PKD1L1: variants seen among roughly 807,000 people sequenced by gnomAD.
The protein encoded by PKD1L1 is polycystin-1-like protein 1.
In PKD1L1, 236 loss-of-function variants were observed where a neutral mutation model predicts 323.4. The ratio of observed to expected loss-of-function variants is 0.73; its 90% CI spans 0.66 to 0.81. PKD1L1 has a LOEUF of 0.81. Ranked by LOEUF, PKD1L1 falls within the 40% of genes least tolerant of loss-of-function variation. PKD1L1 has a pLI of 0.00. For synonymous variants in PKD1L1, 1,344 were observed against 1,335.0 expected, an observed-to-expected ratio of 1.01 and a Z score of -0.15; for missense variants, 3,320 against 3,508.0, an observed-to-expected ratio of 0.95 and a Z score of 1.35.
rs201484345 is a variant in PKD1L1 at position 47,831,395 on chromosome 7, C to T, written c.6338-43G>A. On this transcript the variant is annotated intron_variant, in intron 41 of 56. Coordinates refer to ENST00000289672, the MANE Select transcript of PKD1L1 (RefSeq NM_138295.5). Reference sequence around the variant, plus strand: ...AGAGACAAGGCAGCTTAAGAGACCTCGGCATCTCCATCCACGCGGAGTGTG... The same window carrying T: ...AGAGACAAGGCAGCTTAAGAGACCTTGGCATCTCCATCCACGCGGAGTGTG... 1.3e-4 allele frequency: 201 copies of T among 1,575,894 alleles called. No individual in the cohort carries two copies. The African/African-American group carries it at 2.5e-3, about 19-fold the overall frequency.
At chr7:47,866,020 T>G (rs964999446) in intron 25 of PKD1L1, among the ~76,000 whole-genome samples, 12 of 152,256 alleles carry the variant, frequency 7.9e-5, no homozygotes, top group African/African-American at 2.9e-4. Flanking sequence ...TTGACAGTTA[T>G]AAGATAGCAG....
chr7:47,778,665 G>A (rs1786623613), intron 56 of PKD1L1, among the ~76,000 whole-genome samples: 1 of 152,184 alleles, frequency 6.6e-6, no homozygotes, highest in Admixed American at 6.5e-5. Context: ...ATGAGACTAT[G>A]TATTACTGAT....
In PKD1L1 at chr7:47,839,094, T is replaced by C. The variant is rs577769299; in HGVS notation, c.5769+352A>G. On this transcript the variant is annotated intron_variant, in intron 36 of 56. Transcript: ENST00000289672. This position sits in a 1 kb window ranked among gnomAD's most constrained non-coding sequence, Gnocchi z 4.3. ...CTATACCACATCTGTAATTACTCTA[T>C]TGATAGTTATCTAGGTTGTTTGGGA... Among the ~76,000 whole-genome samples the C allele has an allele frequency of 1.3e-5, 2 of 152,150 alleles. No individual in the cohort carries two copies. Among genetic ancestry groups the C allele is most frequent in the African/African-American group, 4.8e-5 (2 of 41,424 alleles).
Position 47,887,587 on chromosome 7 carries a change from C to G in PKD1L1, c.2836+403G>C, listed in dbSNP as rs181939848. ...GGTAGTGTGGGAGCAAGGATTGGAA[C>G]CTTCCGCCCTGGTTCCTCTGCTCAT... is the stretch of plus-strand genomic sequence containing the variant. On this transcript the variant is annotated intron_variant, in intron 17 of 56. Coordinates refer to ENST00000289672, the MANE Select transcript of PKD1L1 (RefSeq NM_138295.5). Among the ~76,000 whole-genome samples, 153 of 152,380 alleles carry G rather than the reference C, an allele frequency of 1.0e-3. 2 individuals carry two copies. Among genetic ancestry groups the G allele is most frequent in the African/African-American group, 3.6e-3 (149 of 41,594 alleles).
chr7:47,934,833 TAAG>T (rs1384402173), intron 4 of PKD1L1, among the ~76,000 whole-genome samples: 1 of 152,176 alleles, frequency 6.6e-6, no homozygotes, highest in African/African-American at 2.4e-5. Context: ...TGCTCACAGC[TAAG>T]AAGGTCTTCT....
Position 47,837,107 on chromosome 7 carries a change from G to C in PKD1L1, c.5770-13C>G. 1 of 1,613,342 alleles carries C rather than the reference G, an allele frequency of 6.2e-7. No individual in the cohort carries two copies. The highest frequency in any genetic ancestry group is 8.5e-7 in the Non-Finnish European group (1 of 1,179,378). On this transcript the variant is annotated splice_polypyrimidine_tract_variant and intron_variant, in intron 36 of 56. Coordinates refer to ENST00000289672, the MANE Select transcript of PKD1L1 (RefSeq NM_138295.5). Reference sequence around the variant, plus strand: ...TGCAATAGAAAAGCTGAAACGGAAAGCAGGAGAAGTGTTCCCTGACATGGA... The same window carrying C: ...TGCAATAGAAAAGCTGAAACGGAAACCAGGAGAAGTGTTCCCTGACATGGA...
chr7:47,834,927 G>T, intron 39 of PKD1L1, 40 bp downstream of exon 39: 1 of 1,572,624 alleles, frequency 6.4e-7, no homozygotes, highest in Non-Finnish European at 8.7e-7. Flanking sequence ...AAAAGGCTCA[G>T]CCCCACGGAG....
chr7:47,958,841 C>T, the PKD1L1 span, among the ~76,000 whole-genome samples: 2 of 151,920 alleles, frequency 1.3e-5, no homozygotes, highest in African/African-American at 4.8e-5. Flanking sequence ...CTCCCTCTCC[C>T]TCTCTTTCCA....
chr7:47,879,597 C>T (rs1447041249), intron 21 of PKD1L1, among the ~76,000 whole-genome samples: 1 of 140,696 alleles, frequency 7.1e-6, no homozygotes, highest in Non-Finnish European at 1.5e-5. Flanking sequence ...CGTGCCTCTG[C>T]ACTCCAGCCT....
In PKD1L1 at chr7:47,855,614, C is replaced by A. The variant is rs112705814; in HGVS notation, c.4591-349G>T. Among the ~76,000 whole-genome samples the A allele has an allele frequency of 7.8e-5, 11 of 141,748 alleles. 1 individual carries two copies. The highest frequency in any genetic ancestry group is 6.7e-4 in the Admixed American group (10 of 14,838). 93.0% of individuals were successfully genotyped at this position (141,748 alleles called of 152,430 possible). ...GAGTGGGGCCGGGCGCGGTGGCTCA[C>A]GCCTGTAATCCCAGCACTTTGGGAG... On this transcript the variant is annotated intron_variant, in intron 28 of 56. Coordinates refer to ENST00000289672, the MANE Select transcript of PKD1L1 (RefSeq NM_138295.5).
intron 43 of PKD1L1, 90 bp from the exon 44 acceptor site, chr7:47,829,691 A>G: frequency 1.5e-6 from 2 of 1,327,668 alleles, no homozygotes; most frequent in Non-Finnish European, 2.0e-6. Flanking sequence ...AATCATGAAC[A>G]GGACTCCATC....
intron 56 of PKD1L1, among the ~76,000 whole-genome samples, chr7:47,784,163 T>C (rs1431510447): frequency 6.6e-6 from 1 of 152,222 alleles, no homozygotes; most frequent in Non-Finnish European, 1.5e-5. Context: ...ACATTCCTGC[T>C]TGTGAAGTCA....
intron 8 of PKD1L1, 53 bp from the exon 9 acceptor site, chr7:47,908,303 A>G (rs1787251686): frequency 6.6e-7 from 1 of 1,521,662 alleles, no homozygotes. Context: ...AACAAGCATA[A>G]CAGTTAACAT....
At chr7:47,779,400 A>G (rs1456060320) in intron 56 of PKD1L1, among the ~76,000 whole-genome samples, 3 of 152,180 alleles carry the variant, frequency 2.0e-5, no homozygotes, top group African/African-American at 7.2e-5. Context: ...ATGCTGAAAC[A>G]TGGTGTGTTT....
rs548497064 is a variant in PKD1L1, at chr7:47,922,588, C to A, written c.1060+6616G>T. On this transcript the variant is annotated intron_variant, in intron 7 of 56. Coordinates refer to ENST00000289672, the MANE Select transcript of PKD1L1 (RefSeq NM_138295.5). ...ACCCCGTCTGGGAACTGAGTAGCGTCTCTACCCCGCCGCCACCCCGTCTGG... is the reference window on the plus strand; with the variant it reads ...ACCCCGTCTGGGAACTGAGTAGCGTATCTACCCCGCCGCCACCCCGTCTGG... Among the ~76,000 whole-genome samples, 261 of 152,110 alleles carry A rather than the reference C, an allele frequency of 1.7e-3. 1 individual carries two copies. Among genetic ancestry groups the A allele is most frequent in the Admixed American group, 5.2e-3 (80 of 15,298 alleles).
At chr7:47,879,886 TC>T (rs1786498225) in intron 21 of PKD1L1, among the ~76,000 whole-genome samples, 1 of 121,086 alleles carries the variant, frequency 8.3e-6, no homozygotes, top group South Asian at 2.6e-4. Flanking sequence ...TGAGCCAAGA[TC>T]GGGCCACTGC....
chr7:47,868,946 TGATA>T (rs1786225084), intron 24 of PKD1L1, among the ~76,000 whole-genome samples: 1 of 152,192 alleles, frequency 6.6e-6, no homozygotes, highest in Admixed American at 6.5e-5. Context: ...TTTGTAACAC[TGATA>T]GATGTAACAT....
intron 7 of PKD1L1, among the ~76,000 whole-genome samples, chr7:47,923,079 A>G (rs1787585997): frequency 6.6e-6 from 1 of 152,178 alleles, no homozygotes; most frequent in Non-Finnish European, 1.5e-5. Flanking sequence ...ACTAAGGGTT[A>G]AATGGATTAA....
chr7:47,864,683 C>G (rs1467748421), intron 26 of PKD1L1, among the ~76,000 whole-genome samples: 3 of 130,976 alleles, frequency 2.3e-5, no homozygotes, highest in African/African-American at 8.5e-5. Flanking sequence ...CCTTCCCCTC[C>G]CTCCCTCCCC....
Sources: allele counts gnomAD v4.1 joint callset (sites outside exome capture counted in the v4.1 genomes callset), GRCh38; gene constraint gnomAD v4.1.1; non-coding constraint Gnocchi (gnomAD v3.1); transcripts MANE v1.5; gene names NCBI Gene and HGNC (gene_info 2026-07-23, HGNC 2026-07-21).